Variants in LRRC19 observed in about 807,000 individuals in gnomAD.
LRRC19 encodes leucine-rich repeat-containing protein 19.
Under a neutral mutation model 33.3 loss-of-function variants are expected in LRRC19, and 33 were observed. The observed-to-expected ratio is 0.99, with a 90% confidence interval of 0.75 to 1.33. The LOEUF is 1.33. Ranked by LOEUF, LRRC19 falls within the 40% of genes most tolerant of loss-of-function variation. LRRC19 has a pLI of 0.00. For synonymous variants in LRRC19, 184 were observed against 152.3 expected (o/e 1.21, Z -1.53); for missense variants, 463 against 417.3 (o/e 1.11, Z -0.95).
Position 26,999,669 on chromosome 9 carries a change from A to G in LRRC19, c.26T>C (p.Leu9Pro). The G allele has an allele frequency of 1.2e-6, 2 of 1,609,404 alleles. No individual in the cohort carries two copies. The highest frequency in any genetic ancestry group is 4.5e-5 in the East Asian group (2 of 44,740). ...TAATATCATGGAGAGGGGCCAAAAG[A>G]GGATTGTGATGCCTGTGACTTTCAT... The part of the protein sequence containing the change: MKVTGITI[L>P]FWPLSMILLS... The change falls in exon 2 of 5, where the codon CTC becomes CCC. Residue 9 changes from leucine to proline, a missense_variant. Transcript: ENST00000380055.
At chr9:27,004,490 C>T (rs566563590) in intron 1 of LRRC19, among the ~76,000 whole-genome samples, 6 of 152,176 alleles carry the variant, frequency 3.9e-5, no homozygotes, top group Middle Eastern at 6.8e-3. Flanking sequence ...GGGGTGATGT[C>T]GATTATCATG....
rs1587308543 is a variant in LRRC19, at chr9:26,994,495, C to T, written c.*1026G>A. ...GAGGTTGCAGTGATCTGAGACTGCGCTGCTGCAGTCCAGCCTGGGAGACAG... is the reference window on the plus strand; with the variant it reads ...GAGGTTGCAGTGATCTGAGACTGCGTTGCTGCAGTCCAGCCTGGGAGACAG... On this transcript the variant is annotated 3_prime_UTR_variant, in exon 5 of 5. Transcript: ENST00000380055. 1 of 147,816 alleles carries T rather than the reference C, an allele frequency of 6.8e-6. No individual in the cohort carries two copies. Among genetic ancestry groups the T allele is most frequent in the Admixed American group, 6.9e-5 (1 of 14,532 alleles). The allele number at this position is 147,816 out of a possible 1,614,324, so 9.2% of individuals were successfully genotyped here.
Position 26,997,782 on chromosome 9 carries a change from A to G in LRRC19, c.541T>C (p.Ser181Pro), listed in dbSNP as rs771166668. The change falls in exon 3 of 5, where the codon TCT becomes CCT. Residue 181 changes from serine (S) to proline (P), a missense_variant. Physicochemically the swap from Ser to Pro is moderately conservative, Grantham distance 74 (BLOSUM62 -1). Coordinates refer to ENST00000380055, the MANE Select transcript of LRRC19 (RefSeq NM_022901.3). ...TTCTGCAAATTAAATAGACTGCAAG[A>G]GCAGTTCCATAGGTTTCCATATAAA... Reference protein sequence around the residue: ...ITLYGNLWNCSCSLFNLQNWL... With the variant: ...ITLYGNLWNCPCSLFNLQNWL... 2.5e-6 allele frequency: 4 copies of G among 1,613,612 alleles called. No homozygotes were observed. Among genetic ancestry groups the G allele is most frequent in the Non-Finnish European group, 3.4e-6 (4 of 1,179,868 alleles).
Position 26,995,517 on chromosome 9 carries a change from G to C in LRRC19, c.*4C>G, listed in dbSNP as rs200749160. 2.0e-6 allele frequency: 3 copies of C among 1,509,246 alleles called. No homozygotes were observed. Among genetic ancestry groups the C allele is most frequent in the Non-Finnish European group, 2.7e-6 (3 of 1,116,114 alleles). 93.5% of individuals were successfully genotyped at this position (1,509,246 alleles called of 1,614,324 possible). ...TTGCTTTAAAAAGCAAACTTTGAAA[G>C]AAATTAATTTTCTTCACATAATTCA... On this transcript the variant is annotated 3_prime_UTR_variant, in exon 5 of 5. Transcript: ENST00000380055.
intron 3 of LRRC19, among the ~76,000 whole-genome samples, chr9:26,997,238 T>C (rs1429610221): frequency 1.3e-5 from 2 of 151,972 alleles, no homozygotes; most frequent in Non-Finnish European, 2.9e-5. Context: ...TTCTTAATTT[T>C]TCCCCCTGGT....
chr9:27,005,229 A>T (rs1828704936), intron 1 of LRRC19, among the ~76,000 whole-genome samples: 1 of 151,858 alleles, frequency 6.6e-6, no homozygotes, highest in East Asian at 1.9e-4. Context: ...TCATCAACTC[A>T]TGGCCAGTCT....
intron 2 of LRRC19, among the ~76,000 whole-genome samples, chr9:26,998,987 C>A (rs2131577895): frequency 6.6e-6 from 1 of 152,286 alleles, no homozygotes; most frequent in African/African-American, 2.4e-5. Flanking sequence ...GAGCGAGATT[C>A]CGTCTCAAAA....
chr9:27,002,826 G>T (rs1828572044), intron 1 of LRRC19, among the ~76,000 whole-genome samples: 1 of 152,124 alleles, frequency 6.6e-6, no homozygotes, highest in African/African-American at 2.4e-5. Context: ...CTTCTATGAA[G>T]AGCGTCACTG....
Position 26,995,793 on chromosome 9 carries a change from G to T in LRRC19, c.841C>A (p.Leu281Met). The T allele has an allele frequency of 6.2e-7, 1 of 1,613,262 alleles. No individual in the cohort carries two copies. Among genetic ancestry groups the T allele is most frequent in the South Asian group, 1.1e-5 (1 of 90,906 alleles). ...ATAAAAATGAGAAGTGAAGTCGTCA[G>T]TACAGTGACAACAACACCAACAAGA... ...AFLVGVVVTV[L>M]TTSLLIFIAI... is the part of the protein sequence containing the mutation. Residue 281 changes from leucine to methionine, a missense_variant, in exon 5 of 5, where the codon CTG (leucine) becomes ATG (methionine). By Grantham distance (15) the Leu-to-Met change is conservative. Transcript: ENST00000380055.
rs1252054520 is a variant in LRRC19 at position 26,997,951 on chromosome 9, T to C, written c.372A>G (p.Lys124=). ...QGAFLGLNKL[K]QLYLCQNKIE... ...TTTTGTTTTGGCAGAGATATAACTG[T>C]TTTAGTTTATTTAAGCCTAAAAATG... Residue 124 remains lysine (K), a synonymous_variant, in exon 3 of 5, where the codon AAA becomes AAG. Coordinates refer to ENST00000380055, the MANE Select transcript of LRRC19 (RefSeq NM_022901.3). 6.2e-7 allele frequency: 1 copy of C among 1,613,898 alleles called. No individual in the cohort carries two copies. The highest frequency in any genetic ancestry group is 2.2e-5 in the East Asian group (1 of 44,848).
intron 1 of LRRC19, among the ~76,000 whole-genome samples, chr9:27,001,627 T>G (rs1828498169): frequency 6.6e-6 from 1 of 152,246 alleles, no homozygotes; most frequent in South Asian, 2.1e-4. Context: ...ATCTATTCAG[T>G]TCTTTTGCCA....
rs528971987 is a variant in LRRC19 at position 27,004,856 on chromosome 9, A to G, written c.-10+736T>C. 1.2e-3 allele frequency among the ~76,000 whole-genome samples: 190 copies of G among 152,318 alleles called. 1 individual carries two copies. The highest frequency in any genetic ancestry group is 1.9e-3 in the Non-Finnish European group (126 of 68,006). ...CTAGCATATGATCTACGTTACTGAA[A>G]AAAAAAGAGCTTTACTCAAAGGAAA... On this transcript the variant is annotated intron_variant, in intron 1 of 4. Coordinates refer to ENST00000380055, the MANE Select transcript of LRRC19 (RefSeq NM_022901.3).
intron 1 of LRRC19, among the ~76,000 whole-genome samples, chr9:27,000,789 T>G (rs1563963268): frequency 6.6e-6 from 1 of 152,212 alleles, no homozygotes. Context: ...TGTTTACCTA[T>G]GTAACAAACC....
At position 26,995,686 on chromosome 9, in the gene LRRC19, A is replaced by G. The variant is rs776974207; in HGVS notation, c.948T>C (p.Tyr316=). ...TTGGATTTCCAGTAAAACCATCTTC[A>G]TAGGTTTCTGCTTCATGCTCTTCCA... ...HRLEEHEAET[Y]EDGFTGNPSS... The change falls in exon 5 of 5, where the codon TAT becomes TAC. Residue 316 remains tyrosine, a synonymous_variant. Coordinates refer to ENST00000380055, the MANE Select transcript of LRRC19 (RefSeq NM_022901.3). 11 of 1,613,822 alleles carry G rather than the reference A, an allele frequency of 6.8e-6. No homozygotes were observed. Among genetic ancestry groups the G allele is most frequent in the Non-Finnish European group, 9.3e-6 (11 of 1,179,910 alleles).
Position 26,999,619 on chromosome 9 carries a change from T to C in LRRC19, c.76A>G (p.Lys26Glu), listed in dbSNP as rs757094631. ...TTTTGATTGTAAAAACTTACTCTTTTAGAAGACTGGATTTTGTCTGATAAT... is the reference window on the plus strand; with the variant it reads ...TTTTGATTGTAAAAACTTACTCTTTCAGAAGACTGGATTTTGTCTGATAAT... ...ILLSDKIQSS[K>E]REVQCNFTEK... The change falls in exon 2 of 5, where the codon AAA becomes GAA. Residue 26 changes from lysine (K) to glutamate (E), a missense_variant. Lys to Glu is a moderately conservative substitution (Grantham distance 56). Transcript: ENST00000380055. The C allele has an allele frequency of 3.8e-6, 6 of 1,594,648 alleles. No individual in the cohort carries two copies. The highest frequency in any genetic ancestry group is 5.1e-6 in the Non-Finnish European group (6 of 1,168,132).
intron 3 of LRRC19, among the ~76,000 whole-genome samples, chr9:26,997,073 G>A (rs181160862): frequency 2.9e-4 from 44 of 151,912 alleles, no homozygotes; most frequent in African/African-American, 9.6e-4. Context: ...TTAGCCAGGC[G>A]TGGTGGCTCA....
chr9:27,001,554 G>T (rs564923940), intron 1 of LRRC19, among the ~76,000 whole-genome samples: 5 of 152,230 alleles, frequency 3.3e-5, no homozygotes, highest in African/African-American at 9.6e-5. Flanking sequence ...TTCCCTGAGT[G>T]ATTACTGATG....
rs141228502 is a variant in LRRC19, at chr9:26,997,941, G to T, written c.382C>A (p.Leu128Ile). The T allele has an allele frequency of 2.8e-4, 450 of 1,613,936 alleles. 2 individuals carry two copies. In the African/African-American group the frequency reaches 5.1e-3, roughly 18 times the overall value. Residue 128 changes from leucine to isoleucine, a missense_variant, in exon 3 of 5, where the codon CTC (leucine) becomes ATC (isoleucine). Transcript: ENST00000380055. The stretch of plus-strand genomic sequence containing the variant: ...AGTTGTTCTATTTTGTTTTGGCAGA[G>T]ATATAACTGTTTTAGTTTATTTAAG... ...LGLNKLKQLYLCQNKIEQLNA... is the reference protein window; with the variant it reads ...LGLNKLKQLYICQNKIEQLNA...
At position 26,995,863 on chromosome 9, in the gene LRRC19, C is replaced by G; in HGVS notation, c.785-14G>C. The G allele has an allele frequency of 4.5e-6, 7 of 1,562,394 alleles. No homozygotes were observed. The highest frequency in any genetic ancestry group is 6.1e-6 in the Non-Finnish European group (7 of 1,154,746). ...GAGGTTCATGTTCTTTAATGGAATA[C>G]CAAGAGAGGAGAGAGAAAGAAAATT... On this transcript the variant is annotated splice_polypyrimidine_tract_variant and intron_variant, in intron 4 of 4. Coordinates refer to ENST00000380055, the MANE Select transcript of LRRC19 (RefSeq NM_022901.3).
Sources: allele counts gnomAD v4.1 joint callset (sites outside exome capture counted in the v4.1 genomes callset), GRCh38; gene constraint gnomAD v4.1.1; transcripts MANE v1.5; gene names NCBI Gene and HGNC (gene_info 2026-07-23, HGNC 2026-07-21).